The following PHKA1 variants were observed in gnomAD, a reference collection of about 807,000 sequenced individuals.
PHKA1 encodes phosphorylase b kinase regulatory subunit alpha, skeletal muscle isoform.
PHKA1 carries 60 observed loss-of-function variants against 110.2 expected under a neutral mutation model. The ratio of observed to expected loss-of-function variants is 0.54; its 90% CI spans 0.44 to 0.68. The LOEUF is 0.68. Ranked by LOEUF, PHKA1 falls within the 30% of genes least tolerant of loss-of-function variation. The pLI is 0.00. For missense variants in PHKA1, 801 were observed against 942.5 expected (o/e 0.85, Z 1.97); for synonymous variants, 316 against 333.6 (o/e 0.95, Z 0.58).
intron 4 of PHKA1, 137 bp from the exon 5 acceptor site, chrX:72,684,717 CTT>C (rs2053949216): frequency 2.1e-6 from 1 of 478,084 alleles, no homozygotes; most frequent in African/African-American, 2.4e-5. Context: ...GCACTTTGAT[CTT>C]AAACTATAAA....
intron 13 of PHKA1, among the ~76,000 whole-genome samples, chrX:72,647,722 G>A (rs782368050): frequency 9.0e-6 from 1 of 110,822 alleles, no homozygotes; most frequent in South Asian, 3.9e-4. Context: ...GGTGGAAAGA[G>A]GGAAAAGGGA....
In PHKA1 at chrX:72,705,182, G is replaced by A; in HGVS notation, c.285+16C>T. 8.8e-7 allele frequency: 1 copy of A among 1,131,220 alleles called. No individual in the cohort carries two copies. Among genetic ancestry groups the A allele is most frequent in the Non-Finnish European group, 1.2e-6 (1 of 825,473 alleles). 93.2% of individuals were successfully genotyped at this position (1,131,220 alleles called of 1,213,427 possible). ...ATGTGCTTTTATTAGAGAGGAAGGT[G>A]TTATCAATACCATACCTGTCTGATC... On this transcript the variant is annotated intron_variant, in intron 3 of 31. Transcript: ENST00000373542.
Position 72,618,809 on chromosome X carries a change from T to G in PHKA1, c.2270A>C (p.Gln757Pro), listed in dbSNP as rs2052934573. 3 of 1,199,664 alleles carry G rather than the reference T, an allele frequency of 2.5e-6. No individual in the cohort carries two copies. ...TGCTTTAAAGTCCACCTCCCCAGAC[T>G]GGTCTCTAGGAAGATGTATTTCTAC... ...VRVEIHLPRD[Q>P]SGEVDFKALV... The change falls in exon 21 of 32, where the codon CAG (glutamine) becomes CCG (proline). Residue 757 changes from glutamine (Q) to proline (P), a missense_variant. Gln to Pro is a moderately conservative substitution (Grantham distance 76). Transcript: ENST00000373542.
chrX:72,644,537 T>C (rs1176324530), intron 13 of PHKA1, 41 bp from the exon 14 acceptor site: 2 of 1,119,769 alleles, frequency 1.8e-6, no homozygotes, highest in African/African-American at 1.8e-5. Flanking sequence ...GAAAATTTTA[T>C]TTCAATAGCA....
chrX:72,687,961 G>GACACCCACCCAT (rs2053988173), intron 4 of PHKA1, among the ~76,000 whole-genome samples: 1 of 108,029 alleles, frequency 9.3e-6, no homozygotes, highest in Non-Finnish European at 1.9e-5. Context: ...TGAGTAGCTG[G>GACACCCACCCAT]GATTACAGGC....
At chrX:72,632,265 C>A (rs939591087) in intron 16 of PHKA1, among the ~76,000 whole-genome samples, 1 of 111,357 alleles carries the variant, frequency 9.0e-6, no homozygotes. Flanking sequence ...TGTTGTTTCC[C>A]ATCATGAATA....
intron 12 of PHKA1, among the ~76,000 whole-genome samples, chrX:72,652,329 C>A (rs950875566): frequency 9.0e-6 from 1 of 111,217 alleles, no homozygotes; most frequent in Non-Finnish European, 1.9e-5. Context: ...AGTAGGGAGC[C>A]CCGGGCAGCA....
intron 19 of PHKA1, among the ~76,000 whole-genome samples, chrX:72,620,138 T>C (rs370619279): frequency 1.3e-4 from 14 of 111,945 alleles, no homozygotes; most frequent in African/African-American, 4.5e-4. Context: ...TCTCCTCATC[T>C]GTAAAATGTT....
chrX:72,620,663 G>GT, intron 19 of PHKA1, 62 bp downstream of exon 19: 4 of 992,177 alleles, frequency 4.0e-6, no homozygotes, highest in Non-Finnish European at 5.7e-6. Context: ...ATCAATGCCC[G>GT]CCCCTATCCT....
At chrX:72,581,680 T>C (rs1276919905) in intron 31 of PHKA1, among the ~76,000 whole-genome samples, 1 of 112,421 alleles carries the variant, frequency 8.9e-6, no homozygotes, top group African/African-American at 3.2e-5. Context: ...ATACATGGAC[T>C]GACAGCAATC....
At chrX:72,700,673 T>C (rs916891931) in intron 3 of PHKA1, among the ~76,000 whole-genome samples, 3 of 111,799 alleles carry the variant, frequency 2.7e-5, no homozygotes, top group Non-Finnish European at 5.6e-5. Context: ...TTTTTTTTCA[T>C]CCATGGACAA....
At chrX:72,612,227 G>C (rs2052821609) in intron 21 of PHKA1, among the ~76,000 whole-genome samples, 1 of 111,731 alleles carries the variant, frequency 9.0e-6, no homozygotes, top group South Asian at 3.7e-4. Context: ...TGTCATAAAG[G>C]ACCACATATT....
chrX:72,584,369 G>C, intron 29 of PHKA1, 67 bp from the exon 30 acceptor site: 5 of 976,947 alleles, frequency 5.1e-6, no homozygotes, highest in Non-Finnish European at 7.3e-6. Flanking sequence ...ACAACGGGGA[G>C]GCTATGAGGA....
At chrX:72,668,119 T>C (rs1556307186) in intron 6 of PHKA1, among the ~76,000 whole-genome samples, 1 of 112,027 alleles carries the variant, frequency 8.9e-6, no homozygotes, top group Non-Finnish European at 1.9e-5. Flanking sequence ...CTTGGAAATT[T>C]AGGTCGCCTT....
rs782575421 is a variant in PHKA1, at chrX:72,623,274, C to T, written c.1795G>A (p.Val599Ile). ...MQDGYFGGAR[V>I]QTGKLSEFLT... is the part of the protein sequence containing the mutation. The stretch of plus-strand genomic sequence containing the variant: ...AACTCTGACAATTTACCTGTTTGAA[C>T]CCTAAAAATTAGAGGAGGATAGAAA... Residue 599 changes from valine to isoleucine, a missense_variant and splice_region_variant, in exon 18 of 32, where the codon GTT becomes ATT. Physicochemically the swap from Val to Ile is conservative, Grantham distance 29. Transcript: ENST00000373542. The T allele has an allele frequency of 8.3e-7, 1 of 1,205,051 alleles. No homozygotes were observed. Among genetic ancestry groups the T allele is most frequent in the Non-Finnish European group, 1.1e-6 (1 of 890,199 alleles).
At chrX:72,585,222 T>C (rs1200540358) in intron 29 of PHKA1, among the ~76,000 whole-genome samples, 2 of 110,956 alleles carry the variant, frequency 1.8e-5, no homozygotes, top group Admixed American at 1.9e-4. Flanking sequence ...ATTTGAAACA[T>C]ATAAAAAGTA....
chrX:72,659,092 A>G (rs2053530653), intron 8 of PHKA1, among the ~76,000 whole-genome samples: 1 of 111,752 alleles, frequency 8.9e-6, no homozygotes, highest in Admixed American at 9.5e-5. Context: ...TTCTCCTATT[A>G]GGGAGATCTG....
rs2054100757 is a variant in PHKA1, at chrX:72,695,793, A to T, written c.369T>A (p.Thr123=). The change falls in exon 4 of 32, where the codon ACT becomes ACA. Residue 123 remains threonine, a synonymous_variant. Coordinates refer to ENST00000373542, the MANE Select transcript of PHKA1 (RefSeq NM_002637.4). ...HAKYNTKTCA[T]VVGDDQWGHL... ...GTCCCCATTGATCATCACCCACTAC[A>T]GTGGCACAGGTTTTGGTGTTGTACT... The T allele has an allele frequency of 8.3e-7, 1 of 1,202,741 alleles. No homozygotes were observed. The highest frequency in any genetic ancestry group is 3.0e-5 in the East Asian group (1 of 33,732).
rs782008500 is a variant in PHKA1 at position 72,626,961 on chromosome X, G to A, written c.1793+10C>T. 4.3e-6 allele frequency: 5 copies of A among 1,173,993 alleles called. No individual in the cohort carries two copies. The highest frequency in any genetic ancestry group is 5.8e-6 in the Non-Finnish European group (5 of 862,731). On this transcript the variant is annotated intron_variant, in intron 17 of 31. Coordinates refer to ENST00000373542, the MANE Select transcript of PHKA1 (RefSeq NM_002637.4). Reference sequence around the variant, plus strand: ...TTCATTTCACTAAAGAGTGTATAGAGGTCACTTACCTTGCCCCACCAAAAT... The same window carrying A: ...TTCATTTCACTAAAGAGTGTATAGAAGTCACTTACCTTGCCCCACCAAAAT...
Sources: gnomAD v4.1 joint callset for allele counts (sites outside exome capture counted in the v4.1 genomes callset) on GRCh38, gnomAD v4.1.1 for gene constraint, MANE v1.5 for transcripts, NCBI Gene and HGNC (gene_info 2026-07-23, HGNC 2026-07-21) for gene names.